Variants in REC114 observed in about 807,000 individuals in gnomAD.
REC114 encodes REC114 meiotic recombination protein.
REC114 carries 27 observed loss-of-function variants against 31.3 expected under a neutral mutation model. The ratio of observed to expected loss-of-function variants is 0.86; its 90% CI spans 0.64 to 1.19. The LOEUF is 1.19. Ranked by LOEUF, REC114 falls within the 50% of genes most tolerant of loss-of-function variation. REC114 has a pLI of 0.00. For missense variants in REC114, 344 were observed against 326.9 expected (o/e 1.05, Z -0.40); for synonymous variants, 134 against 127.7 (o/e 1.05, Z -0.33).
In REC114 at chr15:73,541,790, T is replaced by C. The variant is rs1052326591; in HGVS notation, c.333+1222T>C. On this transcript the variant is annotated intron_variant, in intron 3 of 5. Coordinates refer to ENST00000331090, the MANE Select transcript of REC114 (RefSeq NM_001042367.2). ...AATGTATAGATCTCTGAAAAAGTTA[T>C]ACATGCTGTATGTTTGATACTTGAG... Among the ~76,000 whole-genome samples, 4 of 6,802 alleles carry C rather than the reference T, an allele frequency of 5.9e-4. No individual in the cohort carries two copies. In the Non-Finnish European group the frequency reaches 0.015, roughly 25 times the overall value. 4.5% of individuals were successfully genotyped at this position (6,802 alleles called of 152,430 possible). A position where few individuals can be genotyped will look rare whatever the true frequency, so the allele number is the denominator to read the frequency against.
intron 1 of REC114, among the ~76,000 whole-genome samples, chr15:73,473,195 C>T (rs1250801837): frequency 6.6e-6 from 1 of 152,174 alleles, no homozygotes; most frequent in Admixed American, 6.5e-5. Flanking sequence ...TCGAGACCAG[C>T]CTGACGAACA....
At chr15:73,550,891 G>C (rs1252816501) in intron 3 of REC114, 47 bp from the exon 4 acceptor site, 1 of 1,576,736 alleles carries the variant, frequency 6.3e-7, no homozygotes, top group Non-Finnish European at 8.7e-7. Flanking sequence ...AAAGTAAATA[G>C]TTATATGATG....
At chr15:73,500,352 C>CAAAAAAAA (rs34228065) in intron 2 of REC114, among the ~76,000 whole-genome samples, 1 of 137,986 alleles carries the variant, frequency 7.2e-6, no homozygotes. Flanking sequence ...ACAGAAATAG[C>CAAAAAAAA]AAAAAAAAAA....
At chr15:73,534,673 CATTTT>C (rs1270894257) in intron 2 of REC114, among the ~76,000 whole-genome samples, 1 of 152,190 alleles carries the variant, frequency 6.6e-6, no homozygotes, top group Non-Finnish European at 1.5e-5. Flanking sequence ...CTCCCTAACT[CATTTT>C]ATGAAGCCAG....
intron 3 of REC114, among the ~76,000 whole-genome samples, chr15:73,541,697 C>T (rs1894238892): frequency 1.3e-5 from 2 of 152,200 alleles, no homozygotes; most frequent in Admixed American, 6.5e-5. Flanking sequence ...CAGGTTATGA[C>T]TAGCTATCAG....
chr15:73,545,807 A>G (rs532958621), intron 3 of REC114, among the ~76,000 whole-genome samples: 3 of 152,298 alleles, frequency 2.0e-5, no homozygotes, highest in East Asian at 1.9e-4. Flanking sequence ...AAAGCTAGCT[A>G]TGAAATACAG....
Position 73,559,901 on chromosome 15 carries a change from G to A in REC114, c.786G>A (p.Ala262=), listed in dbSNP as rs750028738. ...EEVEKELKKL[A]GLRN ...TAGAAAAGGAACTGAAAAAGCTGGC[G>A]GGTTTGAGAAATTAATGCTCTATAT... Residue 262 remains alanine (A), a synonymous_variant, in exon 6 of 6, where the codon GCG becomes GCA. Coordinates refer to ENST00000331090, the MANE Select transcript of REC114 (RefSeq NM_001042367.2). 38 of 1,610,490 alleles carry A rather than the reference G, an allele frequency of 2.4e-5. No individual in the cohort carries two copies. Among genetic ancestry groups the A allele is most frequent in the Non-Finnish European group, 3.0e-5 (35 of 1,178,866 alleles).
chr15:73,542,012 A>C (rs1465522852), intron 3 of REC114, among the ~76,000 whole-genome samples: 1 of 151,934 alleles, frequency 6.6e-6, no homozygotes, highest in Non-Finnish European at 1.5e-5. Flanking sequence ...GGCCTAAAAA[A>C]CCAGATTTCT....
At chr15:73,546,679 G>T (rs1320492199) in intron 3 of REC114, among the ~76,000 whole-genome samples, 1 of 152,006 alleles carries the variant, frequency 6.6e-6, no homozygotes, top group Non-Finnish European at 1.5e-5. Context: ...TGAGGGAAGA[G>T]ACAGTCTCTT....
chr15:73,501,903 TAG>T (rs1421300371), intron 2 of REC114, among the ~76,000 whole-genome samples: 6 of 151,904 alleles, frequency 3.9e-5, no homozygotes, highest in Non-Finnish European at 8.8e-5. Flanking sequence ...AGTTCCGGAG[TAG>T]AGTTTATTTT....
At chr15:73,543,463 G>A (rs1894267185) in intron 3 of REC114, among the ~76,000 whole-genome samples, 1 of 152,064 alleles carries the variant, frequency 6.6e-6, no homozygotes, top group African/African-American at 2.4e-5. Context: ...CTGAGTAGCT[G>A]GGATTACAGG....
Position 73,559,808 on chromosome 15 carries a change from A to G in REC114, c.693A>G (p.Ala231=). 21 of 1,612,822 alleles carry G rather than the reference A, an allele frequency of 1.3e-5. No homozygotes were observed. The highest frequency in any genetic ancestry group is 1.7e-5 in the Non-Finnish European group (20 of 1,179,440). The part of the protein sequence containing the change: ...PHVYEQSAWG[A]EELGPFLRLC... Reference sequence around the variant, plus strand: ...TCTATGAACAATCTGCATGGGGTGCAGAAGAGTTAGGCCCCTTCCTACGTT... The same window carrying G: ...TCTATGAACAATCTGCATGGGGTGCGGAAGAGTTAGGCCCCTTCCTACGTT... Residue 231 remains alanine (A), a synonymous_variant, in exon 6 of 6, where the codon GCA becomes GCG. Transcript: ENST00000331090.
intron 4 of REC114, among the ~76,000 whole-genome samples, chr15:73,555,132 A>T (rs972525811): frequency 6.6e-6 from 1 of 151,916 alleles, no homozygotes; most frequent in Non-Finnish European, 1.5e-5. Flanking sequence ...CCTGCTACCT[A>T]CTGACTAGCA....
At chr15:73,448,308 T>TG (rs201181053) in intron 1 of REC114, among the ~76,000 whole-genome samples, 7,696 of 152,018 alleles carry the variant, frequency 0.051, 233 homozygotes, top group East Asian at 0.11. Context: ...TGTATCTTGG[T>TG]GGGGGGAAGG....
chr15:73,467,784 C>T (rs1893081501), intron 1 of REC114, among the ~76,000 whole-genome samples: 4 of 152,128 alleles, frequency 2.6e-5, no homozygotes, highest in South Asian at 2.1e-4. Context: ...TGGCTTAAAA[C>T]AACGCAAACA....
chr15:73,500,845 T>G (rs948814783), intron 2 of REC114, among the ~76,000 whole-genome samples: 21 of 152,064 alleles, frequency 1.4e-4, no homozygotes, highest in African/African-American at 3.6e-4. Flanking sequence ...ATGAATCCAT[T>G]TTATAAATAG....
chr15:73,551,136 C>G lies in REC114; in HGVS notation c.532C>G (p.Pro178Ala). ...SQGKDSAKSV[P>A]RQPGSHQHSE... ...AGGGAAGGATTCTGCAAAGAGTGTC[C>G]CACGGCAGCCTGGAGTAAGTAGGCT... Residue 178 changes from proline (P) to alanine (A), a missense_variant, in exon 4 of 6, where the codon CCA becomes GCA. Coordinates refer to ENST00000331090, the MANE Select transcript of REC114 (RefSeq NM_001042367.2). 1 of 1,606,682 alleles carries G rather than the reference C, an allele frequency of 6.2e-7. No individual in the cohort carries two copies.
At chr15:73,488,328 T>C (rs894100607) in intron 2 of REC114, among the ~76,000 whole-genome samples, 1 of 152,246 alleles carries the variant, frequency 6.6e-6, no homozygotes, top group Non-Finnish European at 1.5e-5. Flanking sequence ...TGCTTGGCCA[T>C]ACCTTTAGGG....
rs866409877 is a variant in REC114 at position 73,534,533 on chromosome 15, A to T, written c.250-5952A>T. 5.6e-3 allele frequency among the ~76,000 whole-genome samples: 847 copies of T among 152,288 alleles called. 6 individuals are homozygous for T. Among genetic ancestry groups the T allele is most frequent in the African/African-American group, 0.019 (806 of 41,554 alleles). ...TAACAGGAGCTGAAATTGTGGCAAT[A>T]ATCAATAGCTTACCAACCAAAAAGA... On this transcript the variant is annotated intron_variant, in intron 2 of 5. Transcript: ENST00000331090.
Sources: allele counts gnomAD v4.1 joint callset (sites outside exome capture counted in the v4.1 genomes callset), GRCh38; gene constraint gnomAD v4.1.1; transcripts MANE v1.5; gene names NCBI Gene and HGNC (gene_info 2026-07-23, HGNC 2026-07-21).